Variants in PDE1A observed in about 807,000 individuals in gnomAD.
PDE1A encodes dual specificity calcium/calmodulin-dependent 3',5'-cyclic nucleotide phosphodiesterase 1A.
PDE1A carries 35 observed loss-of-function variants against 61.7 expected under a neutral mutation model. The ratio of observed to expected loss-of-function variants is 0.57; its 90% CI spans 0.43 to 0.75. The LOEUF (loss-of-function observed/expected upper bound fraction) is 0.75, where lower values mean the gene tolerates loss of function less well. Ranked by LOEUF, PDE1A falls within the 30% of genes least tolerant of loss-of-function variation. The pLI is 0.00. For synonymous variants in PDE1A, 232 were observed against 213.2 expected (o/e 1.09, Z -0.77); for missense variants, 597 against 630.6 (o/e 0.95, Z 0.57).
the PDE1A span, among the ~76,000 whole-genome samples, chr2:182,560,891 C>A: frequency 6.6e-6 from 1 of 152,084 alleles, no homozygotes; most frequent in Non-Finnish European, 1.5e-5. Context: ...GTCCTTCACC[C>A]ACTTTTTGAT....
chr2:182,357,664 G>C (rs1482492794), intron 1 of PDE1A, among the ~76,000 whole-genome samples: 1 of 152,000 alleles, frequency 6.6e-6, no homozygotes, highest in African/African-American at 2.4e-5. Flanking sequence ...ATCCCAGCAG[G>C]AATAATTAAC....
chr2:182,590,021 G>A, the PDE1A span, among the ~76,000 whole-genome samples: 1 of 152,176 alleles, frequency 6.6e-6, no homozygotes, highest in African/African-American at 2.4e-5. Flanking sequence ...TAAGCAATAT[G>A]TACAAACCAT....
At chr2:182,529,238 C>A in the PDE1A span, among the ~76,000 whole-genome samples, 1 of 152,220 alleles carries the variant, frequency 6.6e-6, no homozygotes, top group Non-Finnish European at 1.5e-5. Context: ...ACCATGGGAA[C>A]CTACCTTTTG....
At chr2:182,475,797 G>C (rs1164474938) in intron 2 of PDE1A, among the ~76,000 whole-genome samples, 2 of 151,884 alleles carry the variant, frequency 1.3e-5, no homozygotes, top group African/African-American at 4.8e-5. Flanking sequence ...GCAAAAAGTA[G>C]TAGAATGGAA....
chr2:182,549,969 C>T, the PDE1A span, among the ~76,000 whole-genome samples: 2 of 152,106 alleles, frequency 1.3e-5, no homozygotes, highest in African/African-American at 4.8e-5. Context: ...TTCCCTACGA[C>T]ATTTTTATTT....
At chr2:182,581,338 G>A in the PDE1A span, among the ~76,000 whole-genome samples, 3 of 152,058 alleles carry the variant, frequency 2.0e-5, no homozygotes, top group East Asian at 1.9e-4. Context: ...AACCTCAAAC[G>A]GCCTCATGGA....
chr2:182,526,448 G>A (rs943093007), upstream of PDE1A, among the ~76,000 whole-genome samples: 4 of 152,188 alleles, frequency 2.6e-5, no homozygotes, highest in East Asian at 7.7e-4. Flanking sequence ...TGAAACCAAG[G>A]TCCTCCCAGA....
At chr2:182,288,323 A>C (rs1328955201) in intron 1 of PDE1A, among the ~76,000 whole-genome samples, 1 of 152,132 alleles carries the variant, frequency 6.6e-6, no homozygotes, top group Admixed American at 6.6e-5. Flanking sequence ...ATCAAAGGTA[A>C]TCGCCGTACA....
At chr2:182,191,180 A>ATTAGTT (rs1299714481) in intron 10 of PDE1A, among the ~76,000 whole-genome samples, 2 of 152,004 alleles carry the variant, frequency 1.3e-5, no homozygotes. Flanking sequence ...CTTTTGAAAG[A>ATTAGTT]TTAGTTTGTC....
the PDE1A span, among the ~76,000 whole-genome samples, chr2:182,613,441 T>C: frequency 3.3e-5 from 5 of 151,878 alleles, no homozygotes. Flanking sequence ...TGGGCACCTG[T>C]AGTCCCAGCT....
intron 1 of PDE1A, among the ~76,000 whole-genome samples, chr2:182,416,317 A>G (rs1702915742): frequency 1.3e-5 from 2 of 152,238 alleles, no homozygotes; most frequent in Admixed American, 6.5e-5. Context: ...GAAAAGACAC[A>G]AAGGCAAGTT....
the PDE1A span, among the ~76,000 whole-genome samples, chr2:182,702,078 G>A: frequency 2.0e-5 from 3 of 152,154 alleles, no homozygotes; most frequent in African/African-American, 7.2e-5. Context: ...TGCATAAACA[G>A]TAATAATTTA....
chr2:182,615,244 C>T, the PDE1A span, among the ~76,000 whole-genome samples: 2 of 152,122 alleles, frequency 1.3e-5, no homozygotes, highest in African/African-American at 4.8e-5. Flanking sequence ...TCTGTTCAGA[C>T]TCCAATGAGT....
chr2:182,589,427 A>C, the PDE1A span, among the ~76,000 whole-genome samples: 1 of 152,110 alleles, frequency 6.6e-6, no homozygotes, highest in Non-Finnish European at 1.5e-5. Context: ...GATCAAATCC[A>C]ATCTGAATGA....
chr2:182,307,710 C>T (rs1695680727), intron 1 of PDE1A, among the ~76,000 whole-genome samples: 1 of 151,572 alleles, frequency 6.6e-6, no homozygotes, highest in Non-Finnish European at 1.5e-5. Context: ...CCCATCTCTA[C>T]CAAAAAAAAA....
intron 1 of PDE1A, among the ~76,000 whole-genome samples, chr2:182,387,261 C>T (rs1701165186): frequency 6.6e-6 from 1 of 152,068 alleles, no homozygotes; most frequent in Non-Finnish European, 1.5e-5. Flanking sequence ...ATCTCAAGTA[C>T]GCAGGGACAC....
chr2:182,680,984 G>C, the PDE1A span, among the ~76,000 whole-genome samples: 1,373 of 152,214 alleles, frequency 9.0e-3, 14 homozygotes, highest in South Asian at 0.055. Context: ...GGTTGCTGCC[G>C]TGGAAAAGGG....
intron 13 of PDE1A, 75 bp from the exon 14 acceptor site, chr2:182,147,227 G>C (rs1314029373): frequency 5.2e-6 from 4 of 763,340 alleles, no homozygotes; most frequent in Non-Finnish European, 8.4e-6. Flanking sequence ...TTAGGAGACT[G>C]AAGAACTTTA....
chr2:182,409,788 T>C (rs1702507280), intron 1 of PDE1A, among the ~76,000 whole-genome samples: 1 of 152,220 alleles, frequency 6.6e-6, no homozygotes, highest in South Asian at 2.1e-4. Flanking sequence ...ATTACAATTA[T>C]ATGTACCATA....
Sources: allele counts gnomAD v4.1 joint callset (sites outside exome capture counted in the v4.1 genomes callset), GRCh38; gene constraint gnomAD v4.1.1; transcripts MANE v1.5; gene names NCBI Gene and HGNC (gene_info 2026-07-23, HGNC 2026-07-21).